The following RAB11FIP3 variants were observed in gnomAD, a reference collection of about 807,000 sequenced individuals.
The protein encoded by RAB11FIP3 is RAB11 family interacting protein 3.
A neutral mutation model predicts 77.8 loss-of-function variants in RAB11FIP3; 17 were observed. That is an observed-to-expected ratio of 0.22 (90% confidence interval 0.15 to 0.33). The LOEUF is 0.33. RAB11FIP3 is among the 10% of genes least tolerant of loss of function. The pLI, the probability that RAB11FIP3 is intolerant of heterozygous loss-of-function variation, is 1.00. For synonymous variants in RAB11FIP3, 437 were observed against 448.2 expected (o/e 0.98, Z 0.31); for missense variants, 1,005 against 1,011.2 (o/e 0.99, Z 0.08).
At position 444,245 on chromosome 16, in the gene RAB11FIP3, T is replaced by C. The variant is rs893016917; in HGVS notation, c.715-17159T>C. ...TAGGCCATCAGTCTGCGTCATTCAG[T>C]AAGGAATAAAGAACATGGAAATGCC... On this transcript the variant is annotated intron_variant, in intron 1 of 13. Coordinates refer to ENST00000262305, the MANE Select transcript of RAB11FIP3 (RefSeq NM_014700.4). Among the ~76,000 whole-genome samples the C allele has an allele frequency of 3.9e-5, 6 of 152,216 alleles. No homozygotes were observed. The East Asian group carries it at 1.2e-3, about 29-fold the overall frequency.
chr16:440,885 C>T (rs535297783), intron 1 of RAB11FIP3, among the ~76,000 whole-genome samples: 28 of 152,034 alleles, frequency 1.8e-4, no homozygotes, highest in Non-Finnish European at 3.7e-4. Context: ...TCTTCCCACC[C>T]TCTTGCTCCT....
chr16:463,676 G>A lies in RAB11FIP3; in HGVS notation c.808+2179G>A, dbSNP rs1470941737. Among the ~76,000 whole-genome samples the A allele has an allele frequency of 3.3e-5, 5 of 152,134 alleles. No homozygotes were observed. The South Asian group carries it at 6.2e-4, about 19-fold the overall frequency. On this transcript the variant is annotated intron_variant, in intron 2 of 13. Transcript: ENST00000262305. ...TGGTCTCGAACTCCTGACCTCAGGT[G>A]ATCCACCCACCTTGGCCTCCCAAAG... is the stretch of plus-strand genomic sequence containing the variant.
chr16:443,120 G>C (rs778372740), intron 1 of RAB11FIP3, among the ~76,000 whole-genome samples: 3 of 152,106 alleles, frequency 2.0e-5, no homozygotes, highest in Non-Finnish European at 4.4e-5. Context: ...AGCCAGCCCT[G>C]TGATGCATTT....
intron 1 of RAB11FIP3, among the ~76,000 whole-genome samples, chr16:445,128 A>AG (rs1171881821): frequency 2.5e-4 from 36 of 141,902 alleles, no homozygotes; most frequent in Non-Finnish European, 2.5e-4. Flanking sequence ...AAAAAAAAAA[A>AG]AAAGAAAAAA....
chr16:520,353 G>T, intron 12 of RAB11FIP3, 76 bp downstream of exon 12: 1 of 1,577,882 alleles, frequency 6.3e-7, no homozygotes. Context: ...GGGGGGCCGT[G>T]GAGGGTCAGC....
intron 1 of RAB11FIP3, among the ~76,000 whole-genome samples, chr16:455,398 C>T (rs145337094): frequency 0.014 from 2,148 of 150,816 alleles, 27 homozygotes; most frequent in Non-Finnish European, 0.019. Flanking sequence ...TGCTTGAACC[C>T]GGGAGGTGGA....
Position 425,728 on chromosome 16 carries a change from G to GTCCCCGT in RAB11FIP3, c.-279_-278insTCCCCGT, listed in dbSNP as rs1258587400. 8.5e-4 allele frequency: 273 copies of GTCCCCGT among 321,098 alleles called. 1 individual carries two copies. Among genetic ancestry groups the GTCCCCGT allele is most frequent in the African/African-American group, 5.5e-3 (253 of 45,742 alleles). 19.9% of individuals were successfully genotyped at this position (321,098 alleles called of 1,614,324 possible). A position where few individuals can be genotyped will look rare whatever the true frequency, so the allele number is the denominator to read the frequency against. ...CGGCCCCCGTCCCCCGGCCTCCTCG[G>GTCCCCGT]CCCCCGTCCCCCGCCATCCGCCGCC... On this transcript the variant is annotated 5_prime_UTR_variant, in exon 1 of 14. Transcript: ENST00000262305.
intron 4 of RAB11FIP3, 51 bp from the exon 5 acceptor site, chr16:488,800 G>T (rs2029912678): frequency 6.3e-7 from 1 of 1,587,954 alleles, no homozygotes; most frequent in Non-Finnish European, 8.6e-7. Flanking sequence ...CCTCAGCTCG[G>T]GGGTGCCCTG....
intron 6 of RAB11FIP3, among the ~76,000 whole-genome samples, chr16:501,002 G>A (rs1223296944): frequency 6.6e-6 from 1 of 152,184 alleles, no homozygotes; most frequent in Non-Finnish European, 1.5e-5. Context: ...ATCTGTATCA[G>A]CAGCAGCTTT....
intron 2 of RAB11FIP3, among the ~76,000 whole-genome samples, chr16:467,079 C>G (rs1459728715): frequency 2.0e-5 from 3 of 152,190 alleles, no homozygotes; most frequent in African/African-American, 7.2e-5. Context: ...AACGGCAGTG[C>G]AGAACCCCTG....
chr16:510,184 G>A (rs974999863), intron 8 of RAB11FIP3, among the ~76,000 whole-genome samples: 9 of 149,056 alleles, frequency 6.0e-5, no homozygotes, highest in South Asian at 2.1e-4. Flanking sequence ...CCGAGTCCCC[G>A]TGCCTCTGGG....
At chr16:460,651 A>G (rs1294407287) in intron 1 of RAB11FIP3, among the ~76,000 whole-genome samples, 1 of 152,196 alleles carries the variant, frequency 6.6e-6, no homozygotes, top group Non-Finnish European at 1.5e-5. Context: ...AGGACTCTGC[A>G]GAGCCAGGAA....
At chr16:466,951 C>T (rs746434123) in intron 2 of RAB11FIP3, among the ~76,000 whole-genome samples, 7 of 152,168 alleles carry the variant, frequency 4.6e-5, no homozygotes, top group Non-Finnish European at 8.8e-5. Flanking sequence ...GTGGAGGTGG[C>T]TGCAGCCGAG....
chr16:520,895 C>G lies in RAB11FIP3; in HGVS notation c.*56C>G. On this transcript the variant is annotated 3_prime_UTR_variant, in exon 14 of 14. Coordinates refer to ENST00000262305, the MANE Select transcript of RAB11FIP3 (RefSeq NM_014700.4). ...GGGACTCCAACACCCTGGAGTGGTTCCGTCAGACCATGAGGAGCCAAGACC... is the reference window on the plus strand; with the variant it reads ...GGGACTCCAACACCCTGGAGTGGTTGCGTCAGACCATGAGGAGCCAAGACC... 7.0e-7 allele frequency: 1 copy of G among 1,430,814 alleles called. No individual in the cohort carries two copies. Among genetic ancestry groups the G allele is most frequent in the South Asian group, 1.1e-5 (1 of 87,172 alleles). The allele number at this position is 1,430,814 out of a possible 1,614,324, so 88.6% of individuals were successfully genotyped here. A position where few individuals can be genotyped will look rare whatever the true frequency, so the allele number is the denominator to read the frequency against.
intron 5 of RAB11FIP3, among the ~76,000 whole-genome samples, chr16:492,310 G>A (rs1401317808): frequency 1.4e-5 from 2 of 143,918 alleles, no homozygotes; most frequent in Admixed American, 7.2e-5. Flanking sequence ...CTGGAGCATC[G>A]GGGGTCTTGG....
Position 426,350 on chromosome 16 carries a change from C to G in RAB11FIP3, c.344C>G (p.Pro115Arg). ...GGCCCAGGGCCGCGCTCCGAAGCGCCGCTTCCAGAACTCGACCCGTTGTTC... is the reference window on the plus strand; with the variant it reads ...GGCCCAGGGCCGCGCTCCGAAGCGCGGCTTCCAGAACTCGACCCGTTGTTC... Reference protein sequence around the residue: ...APGPGPRSEAPLPELDPLFSW... With the variant: ...APGPGPRSEARLPELDPLFSW... The change falls in exon 1 of 14, where the codon CCG becomes CGG. Residue 115 changes from proline to arginine, a missense_variant. Coordinates refer to ENST00000262305, the MANE Select transcript of RAB11FIP3 (RefSeq NM_014700.4). This position sits in a 1 kb window ranked among gnomAD's most constrained non-coding sequence, Gnocchi z 5.0. The G allele has an allele frequency of 6.6e-7, 1 of 1,515,144 alleles. No homozygotes were observed. The highest frequency in any genetic ancestry group is 2.7e-5 in the East Asian group (1 of 36,680). 93.9% of individuals were successfully genotyped at this position (1,515,144 alleles called of 1,614,324 possible).
At chr16:502,114 A>G (rs547065488) in intron 6 of RAB11FIP3, among the ~76,000 whole-genome samples, 1 of 152,386 alleles carries the variant, frequency 6.6e-6, no homozygotes, top group South Asian at 2.1e-4. Flanking sequence ...ATGTATAAAG[A>G]ACTGAACACG....
At chr16:440,192 A>C (rs899029557) in intron 1 of RAB11FIP3, among the ~76,000 whole-genome samples, 1 of 151,826 alleles carries the variant, frequency 6.6e-6, no homozygotes, top group Non-Finnish European at 1.5e-5. Context: ...CTTTTGAGAC[A>C]GGGTCTCATT....
chr16:442,804 G>T (rs1032543139), intron 1 of RAB11FIP3, among the ~76,000 whole-genome samples: 5 of 152,146 alleles, frequency 3.3e-5, no homozygotes, highest in Admixed American at 1.3e-4. Context: ...TCTCCTGAGG[G>T]TCACAACAGG....
Sources: gnomAD v4.1 joint callset for allele counts (sites outside exome capture counted in the v4.1 genomes callset) on GRCh38, gnomAD v4.1.1 for gene constraint, Gnocchi (gnomAD v3.1) non-coding constraint, MANE v1.5 for transcripts, NCBI Gene and HGNC (gene_info 2026-07-23, HGNC 2026-07-21) for gene names.